Variants in ATRNL1 observed in about 807,000 individuals in gnomAD.
The protein encoded by ATRNL1 is attractin like 1, also known as attractin-like protein 1.
Under a neutral mutation model 182.7 loss-of-function variants are expected in ATRNL1, and 95 were observed. The ratio of observed to expected loss-of-function variants is 0.52; its 90% CI spans 0.44 to 0.62. The LOEUF (loss-of-function observed/expected upper bound fraction) is 0.62. ATRNL1 is among the 20% of genes least tolerant of loss of function. The probability of loss-of-function intolerance (pLI) is 0.00; values close to 1 mark genes in which losing one functional copy is unlikely to be tolerated. For synonymous variants in ATRNL1, 576 were observed against 568.3 expected (o/e 1.01, Z -0.19); for missense variants, 1,471 against 1,679.5 (o/e 0.88, Z 2.17).
chr10:115,810,806 C>G (rs1375288293), intron 27 of ATRNL1, among the ~76,000 whole-genome samples: 6 of 151,530 alleles, frequency 4.0e-5, no homozygotes, highest in African/African-American at 1.2e-4. Context: ...TCTAAATATT[C>G]CCTTATTATT....
At chr10:115,854,338 C>T (rs1951128474) in intron 28 of ATRNL1, among the ~76,000 whole-genome samples, 1 of 152,198 alleles carries the variant, frequency 6.6e-6, no homozygotes, top group Non-Finnish European at 1.5e-5. Flanking sequence ...GAAACCTTCC[C>T]CTCCTCTGTT....
chr10:115,544,576 G>C lies in ATRNL1; in HGVS notation c.3717-4882G>C, dbSNP rs1279054372. 2.0e-5 allele frequency among the ~76,000 whole-genome samples: 3 copies of C among 152,132 alleles called. No homozygotes were observed. In the East Asian group the frequency reaches 5.8e-4, roughly 29 times the overall value. On this transcript the variant is annotated intron_variant, in intron 25 of 28. Transcript: ENST00000355044. ...AGTGCCACACATTTTTAAATGACCA[G>C]ATCTTAGGAGAACTCACTCACTATT...
chr10:115,483,795 T>C (rs1335425177), intron 24 of ATRNL1, among the ~76,000 whole-genome samples: 1 of 151,676 alleles, frequency 6.6e-6, no homozygotes, highest in East Asian at 1.9e-4. Context: ...ATATGCTAGG[T>C]CAATGTTTTT....
intron 8 of ATRNL1, among the ~76,000 whole-genome samples, chr10:115,177,909 T>G (rs1554887084): frequency 1.4e-5 from 2 of 139,608 alleles, no homozygotes; most frequent in African/African-American, 2.8e-5. Context: ...TTTTGTTTTT[T>G]TTGTTTTTTT....
chr10:115,751,083 G>T (rs1466142529), intron 27 of ATRNL1, among the ~76,000 whole-genome samples: 3 of 151,992 alleles, frequency 2.0e-5, no homozygotes, highest in Admixed American at 6.6e-5. Flanking sequence ...TTACTCAGAT[G>T]GGCCCAAAGT....
In ATRNL1 at chr10:115,291,459, G is replaced by A. The variant is rs369492700; in HGVS notation, c.2415+5062G>A. Among the ~76,000 whole-genome samples, 195 of 152,048 alleles carry A rather than the reference G, an allele frequency of 1.3e-3. 3 individuals are homozygous for A. The highest frequency in any genetic ancestry group is 3.9e-3 in the African/African-American group (163 of 41,468). ...GTTAGCTGTGGGTTTGTCACATATGGCCTTTATTATTTTCAGGTACATTCC... is the reference window on the plus strand; with the variant it reads ...GTTAGCTGTGGGTTTGTCACATATGACCTTTATTATTTTCAGGTACATTCC... On this transcript the variant is annotated intron_variant, in intron 15 of 28. Transcript: ENST00000355044.
At chr10:115,320,239 G>A (rs1854514886) in intron 18 of ATRNL1, among the ~76,000 whole-genome samples, 1 of 152,092 alleles carries the variant, frequency 6.6e-6, no homozygotes, top group Non-Finnish European at 1.5e-5. Context: ...CCTCTAGCTT[G>A]TAGGGTTTCT....
chr10:115,609,391 C>T (rs1291233802), intron 26 of ATRNL1, among the ~76,000 whole-genome samples: 2 of 152,194 alleles, frequency 1.3e-5, no homozygotes, highest in South Asian at 2.1e-4. Context: ...CCACAGGGAA[C>T]TTTACCCTAA....
At chr10:115,500,512 A>G (rs1849770901) in intron 24 of ATRNL1, among the ~76,000 whole-genome samples, 1 of 152,066 alleles carries the variant, frequency 6.6e-6, no homozygotes, top group African/African-American at 2.4e-5. Flanking sequence ...GTTTTATTAT[A>G]CTTGACCTCA....
intron 9 of ATRNL1, among the ~76,000 whole-genome samples, chr10:115,239,357 C>T (rs998058784): frequency 3.9e-5 from 6 of 151,956 alleles, no homozygotes; most frequent in Admixed American, 1.3e-4. Context: ...CTTAGCCTCC[C>T]GAGTAGCTGG....
intron 5 of ATRNL1, among the ~76,000 whole-genome samples, chr10:115,141,638 G>A (rs1251303050): frequency 6.6e-6 from 1 of 152,132 alleles, no homozygotes; most frequent in East Asian, 1.9e-4. Context: ...TTTTAGGATA[G>A]TATACACATG....
chr10:115,716,139 C>T (rs889080902), intron 26 of ATRNL1, among the ~76,000 whole-genome samples: 6 of 152,030 alleles, frequency 3.9e-5, no homozygotes, highest in African/African-American at 1.5e-4. Flanking sequence ...AGTCAGATTG[C>T]CTATTCATTT....
intron 24 of ATRNL1, among the ~76,000 whole-genome samples, chr10:115,486,004 T>C (rs1039832598): frequency 6.6e-6 from 1 of 151,972 alleles, no homozygotes; most frequent in South Asian, 2.1e-4. Flanking sequence ...TGCTTGGTTT[T>C]CTGTTCTTGT....
At chr10:115,668,173 C>T (rs1012827303) in intron 26 of ATRNL1, among the ~76,000 whole-genome samples, 5 of 152,048 alleles carry the variant, frequency 3.3e-5, no homozygotes, top group African/African-American at 1.2e-4. Context: ...ACTTGTTCCC[C>T]TTACCCCTCC....
rs368962987 is a variant in ATRNL1 at position 115,339,886 on chromosome 10, A to G, written c.3175+5467A>G. On this transcript the variant is annotated intron_variant, in intron 19 of 28. Coordinates refer to ENST00000355044, the MANE Select transcript of ATRNL1 (RefSeq NM_207303.4). ...TTGAGTTATGTTCCTTCAATCCCCA[A>G]TTTTTTGAGGGTTTTTATCATGAAG... 2.6e-5 allele frequency among the ~76,000 whole-genome samples: 4 copies of G among 152,010 alleles called. No homozygotes were observed. The East Asian group carries it at 5.8e-4, about 22-fold the overall frequency.
At chr10:115,399,667 C>T (rs1009927001) in intron 20 of ATRNL1, among the ~76,000 whole-genome samples, 12 of 151,656 alleles carry the variant, frequency 7.9e-5, no homozygotes, top group African/African-American at 2.9e-4. Context: ...GTCTTTATCT[C>T]CTTCATTTCA....
At chr10:115,535,445 G>T (rs1285377615) in intron 25 of ATRNL1, among the ~76,000 whole-genome samples, 5 of 149,492 alleles carry the variant, frequency 3.3e-5, no homozygotes, top group Non-Finnish European at 6.0e-5. Context: ...TCAAGCCTTG[G>T]TTTTCAGCTC....
At chr10:115,443,133 C>T (rs1359483206) in intron 21 of ATRNL1, among the ~76,000 whole-genome samples, 1 of 151,844 alleles carries the variant, frequency 6.6e-6, no homozygotes, top group Non-Finnish European at 1.5e-5. Context: ...TGTAAAACCT[C>T]TATTGATGTA....
chr10:115,183,884 GAAAT>G (rs1847839152), intron 8 of ATRNL1, among the ~76,000 whole-genome samples: 1 of 151,426 alleles, frequency 6.6e-6, no homozygotes, highest in African/African-American at 2.4e-5. Context: ...GATTAAAAAT[GAAAT>G]AAAACCTTTC....
Sources: allele counts gnomAD v4.1 joint callset (sites outside exome capture counted in the v4.1 genomes callset), GRCh38; gene constraint gnomAD v4.1.1; transcripts MANE v1.5; gene names NCBI Gene and HGNC (gene_info 2026-07-23, HGNC 2026-07-21).